Variants in CCDC73 observed in about 807,000 individuals in gnomAD.
CCDC73 encodes the protein coiled-coil domain-containing protein 73.
A neutral mutation model predicts 116.5 loss-of-function variants in CCDC73; 95 were observed. The observed-to-expected ratio is 0.82, with a 90% confidence interval of 0.69 to 0.97. CCDC73 has a LOEUF of 0.97. Among genes scored for constraint, CCDC73 ranks in the 50% least tolerant of loss-of-function variants. CCDC73 has a pLI of 0.00. For missense variants in CCDC73, 1,066 were observed against 1,206.8 expected, an observed-to-expected ratio of 0.88 and a Z score of 1.73; for synonymous variants, 398 against 401.3, an observed-to-expected ratio of 0.99 and a Z score of 0.10.
intron 1 of CCDC73, among the ~76,000 whole-genome samples, chr11:32,786,658 TA>T (rs1850632422): frequency 6.6e-6 from 1 of 151,392 alleles, no homozygotes; most frequent in Admixed American, 6.6e-5. Flanking sequence ...AAGTACATAA[TA>T]AAAATCTATA....
intron 2 of CCDC73, among the ~76,000 whole-genome samples, chr11:32,737,230 G>GGTGT (rs1565088948): frequency 1.4e-4 from 15 of 109,920 alleles, no homozygotes; most frequent in Admixed American, 4.3e-4. Flanking sequence ...ACATAGTAGG[G>GGTGT]CTGTGTGTGT....
chr11:32,815,738 G>A, the CCDC73 span, among the ~76,000 whole-genome samples: 24 of 152,294 alleles, frequency 1.6e-4, 1 homozygote, highest in East Asian at 4.6e-3. Context: ...ACCCAAACCT[G>A]CCACCTTAGC....
chr11:32,784,286 G>C (rs566167601), intron 1 of CCDC73, among the ~76,000 whole-genome samples: 1 of 151,372 alleles, frequency 6.6e-6, no homozygotes, highest in African/African-American at 2.4e-5. Context: ...CCAAGATCGC[G>C]CCACTGCACT....
At chr11:32,721,514 C>T (rs1849989169) in intron 2 of CCDC73, among the ~76,000 whole-genome samples, 2 of 151,774 alleles carry the variant, frequency 1.3e-5, no homozygotes, top group Admixed American at 1.3e-4. Flanking sequence ...ATTTTCATAA[C>T]AACATGTTGG....
intron 1 of CCDC73, among the ~76,000 whole-genome samples, chr11:32,772,631 T>C (rs1267319828): frequency 3.3e-5 from 5 of 152,208 alleles, no homozygotes; most frequent in Non-Finnish European, 7.3e-5. Context: ...GCTTACAAGT[T>C]ACTTTCAACA....
chr11:32,630,693 G>A (rs1423249017), intron 14 of CCDC73, among the ~76,000 whole-genome samples: 1 of 152,086 alleles, frequency 6.6e-6, no homozygotes, highest in Non-Finnish European at 1.5e-5. Context: ...ACTTCTGAAT[G>A]TACTTAATGC....
intron 10 of CCDC73, 105 bp from the exon 11 acceptor site, chr11:32,654,142 C>T: frequency 2.1e-6 from 2 of 962,162 alleles, no homozygotes; most frequent in South Asian, 1.9e-5. Flanking sequence ...ATTCCTACCC[C>T]CAGAGTACCC....
chr11:32,628,473 C>T (rs1461402953), intron 14 of CCDC73, among the ~76,000 whole-genome samples: 1 of 152,152 alleles, frequency 6.6e-6, no homozygotes, highest in Non-Finnish European at 1.5e-5. Context: ...TGAAGACTTG[C>T]AGGGGCGCCA....
intron 2 of CCDC73, among the ~76,000 whole-genome samples, chr11:32,739,651 T>C (rs988908434): frequency 6.6e-6 from 1 of 152,182 alleles, no homozygotes; most frequent in African/African-American, 2.4e-5. Context: ...ACAAGGATAA[T>C]TTGAATTCAT....
At chr11:32,743,917 T>C (rs1234916942) in intron 2 of CCDC73, among the ~76,000 whole-genome samples, 1 of 152,240 alleles carries the variant, frequency 6.6e-6, no homozygotes, top group Non-Finnish European at 1.5e-5. Flanking sequence ...CTTGCCTGAC[T>C]GCCGTGGCCA....
chr11:32,676,604 G>GC (rs1856091375), intron 7 of CCDC73, among the ~76,000 whole-genome samples: 1 of 152,174 alleles, frequency 6.6e-6, no homozygotes, highest in African/African-American at 2.4e-5. Flanking sequence ...AGGCAATATA[G>GC]CAAGACCCCA....
At chr11:32,668,190 T>C (rs1293818810) in intron 9 of CCDC73, among the ~76,000 whole-genome samples, 1 of 152,176 alleles carries the variant, frequency 6.6e-6, no homozygotes, top group Non-Finnish European at 1.5e-5. Flanking sequence ...CACTGTGATG[T>C]AGAATTATTT....
At chr11:32,675,489 G>A in intron 9 of CCDC73, 76 bp downstream of exon 9, 2 of 892,844 alleles carry the variant, frequency 2.2e-6, no homozygotes, top group Non-Finnish European at 3.3e-6. Context: ...CTACCCAACT[G>A]TCCTCTAGTA....
chr11:32,749,114 C>T (rs1378709649), intron 2 of CCDC73, among the ~76,000 whole-genome samples: 1 of 152,068 alleles, frequency 6.6e-6, no homozygotes, highest in Non-Finnish European at 1.5e-5. Context: ...CTGTTATTAT[C>T]CCATTGAATA....
chr11:32,638,677 C>T (rs1855703522), intron 13 of CCDC73, among the ~76,000 whole-genome samples: 1 of 151,564 alleles, frequency 6.6e-6, no homozygotes, highest in Admixed American at 6.6e-5. Context: ...CGGGGTTTCA[C>T]CGTGTTGGCC....
At chr11:32,631,114 A>G (rs1282231448) in intron 14 of CCDC73, among the ~76,000 whole-genome samples, 1 of 152,250 alleles carries the variant, frequency 6.6e-6, no homozygotes, top group East Asian at 1.9e-4. Context: ...AAAGAGGAAG[A>G]TAAGTTCACA....
At chr11:32,805,940 C>T in the CCDC73 span, among the ~76,000 whole-genome samples, 1 of 152,110 alleles carries the variant, frequency 6.6e-6, no homozygotes, top group Non-Finnish European at 1.5e-5. Flanking sequence ...AACTACAATG[C>T]CAATAATTAA....
intron 9 of CCDC73, among the ~76,000 whole-genome samples, chr11:32,665,184 C>T (rs1387584382): frequency 6.6e-6 from 1 of 152,162 alleles, no homozygotes; most frequent in Non-Finnish European, 1.5e-5. Context: ...CCGCTTGGTG[C>T]AGAGCTGAGT....
At chr11:32,658,291 G>T (rs1419687554) in intron 9 of CCDC73, among the ~76,000 whole-genome samples, 1 of 152,116 alleles carries the variant, frequency 6.6e-6, no homozygotes, top group Admixed American at 6.5e-5. Context: ...ATTCCACCGT[G>T]CCACCTCTTT....
Sources: allele counts gnomAD v4.1 joint callset (sites outside exome capture counted in the v4.1 genomes callset), GRCh38; gene constraint gnomAD v4.1.1; transcripts MANE v1.5; gene names NCBI Gene and HGNC (gene_info 2026-07-23, HGNC 2026-07-21).